Variants in ACSM1 observed in about 807,000 individuals in gnomAD.
ACSM1 encodes the protein acyl-CoA synthetase medium chain family member 1, also known as acyl-coenzyme A synthetase ACSM1, mitochondrial.
ACSM1 carries 79 observed loss-of-function variants against 75.8 expected under a neutral mutation model. The observed-to-expected ratio is 1.04, with a 90% CI of 0.87 to 1.26. ACSM1 has a LOEUF of 1.26. Among genes scored for constraint, ACSM1 ranks in the 50% most tolerant of loss-of-function variants. The probability of loss-of-function intolerance (pLI) is 0.00; values close to 1 mark genes in which losing one functional copy is unlikely to be tolerated. For synonymous variants in ACSM1, 279 were observed against 265.8 expected (o/e 1.05, Z -0.48); for missense variants, 676 against 720.1 (o/e 0.94, Z 0.70).
chr16:20,683,660 TTGA>T (rs2079491084), intron 3 of ACSM1, among the ~76,000 whole-genome samples: 1 of 151,374 alleles, frequency 6.6e-6, no homozygotes, highest in Non-Finnish European at 1.5e-5. Context: ...TTTTTTTTTT[TTGA>T]GAGTCTTGCC....
rs915908339 is a variant in ACSM1, at chr16:20,661,829, A to G, written c.957T>C (p.Ser319=). Residue 319 remains serine, a synonymous_variant, in exon 7 of 14, where the codon TCT becomes TCC. Coordinates refer to ENST00000520010, the MANE Select transcript of ACSM1 (RefSeq NM_001318890.3). Reference sequence around the variant, plus strand: ...CCTGCTGCAGAATCATTCGATATATAGATGATACCCCCCAAAAGTGGTTAA... The same window carrying G: ...CCTGCTGCAGAATCATTCGATATATGGATGATACCCCCCAAAAGTGGTTAA... ...YPINHFWGVS[S]IYRMILQQDF... is the part of the protein sequence containing the mutation. 6.2e-7 allele frequency: 1 copy of G among 1,611,290 alleles called. No individual in the cohort carries two copies.
In ACSM1 at chr16:20,640,496, G is replaced by A. The variant is rs745634207; in HGVS notation, c.1081C>T (p.Leu361Phe). ...TGCCCATAGTTCTCGTAGAGCAGAAGGCCCGTCCGTCTTTTCCACTCCTCC... is the reference window on the plus strand; with the variant it reads ...TGCCCATAGTTCTCGTAGAGCAGAAAGCCCGTCCGTCTTTTCCACTCCTCC... The part of the protein sequence containing the change: ...DQEEWKRRTG[L>F]LLYENYGQSE... The change falls in exon 8 of 14, where the codon CTT (leucine) becomes TTT (phenylalanine). Residue 361 changes from leucine to phenylalanine, a missense_variant. Physicochemically the swap from Leu to Phe is conservative, Grantham distance 22. Transcript: ENST00000520010. 11 of 1,614,112 alleles carry A rather than the reference G, an allele frequency of 6.8e-6. No homozygotes were observed. Among genetic ancestry groups the A allele is most frequent in the Admixed American group, 1.7e-5 (1 of 60,022 alleles).
At chr16:20,633,287 AT>A (rs1340833210) in intron 10 of ACSM1, among the ~76,000 whole-genome samples, 4 of 152,258 alleles carry the variant, frequency 2.6e-5, no homozygotes, top group African/African-American at 4.8e-5. Flanking sequence ...CTCAAAAAAA[AT>A]GTTAAAGCTA....
Position 20,635,701 on chromosome 16 carries a change from G to A in ACSM1, c.1299+1038C>T, listed in dbSNP as rs60886574. ...GTCACACAGGCTGGAGTGCAGTGGT[G>A]CGATCTTGGTTCACTGCAACCTCCG... On this transcript the variant is annotated intron_variant, in intron 10 of 13. Transcript: ENST00000520010. Among the ~76,000 whole-genome samples, 1,398 of 150,574 alleles carry A rather than the reference G, an allele frequency of 9.3e-3. 27 individuals are homozygous for A. Among genetic ancestry groups the A allele is most frequent in the African/African-American group, 0.032 (1,323 of 40,910 alleles).
rs781275965 is a variant in ACSM1, at chr16:20,623,466, C to A, written c.*20G>T. 5.0e-6 allele frequency: 8 copies of A among 1,609,186 alleles called. No homozygotes were observed. The highest frequency in any genetic ancestry group is 2.2e-5 in the South Asian group (2 of 90,942). ...AGGGATTTGCCTTAGGTGTGCAGTGCGTTCTGAGTTCACTGCCGATTACAT... is the reference window on the plus strand; with the variant it reads ...AGGGATTTGCCTTAGGTGTGCAGTGAGTTCTGAGTTCACTGCCGATTACAT... On this transcript the variant is annotated 3_prime_UTR_variant, in exon 14 of 14. Transcript: ENST00000520010.
At chr16:20,653,502 A>T (rs2018769250) in intron 7 of ACSM1, among the ~76,000 whole-genome samples, 1 of 152,044 alleles carries the variant, frequency 6.6e-6, no homozygotes, top group South Asian at 2.1e-4. Flanking sequence ...TATTTAAAAA[A>T]CCCCATCGTC....
chr16:20,652,788 G>A (rs1272601558), intron 7 of ACSM1, among the ~76,000 whole-genome samples: 6 of 152,156 alleles, frequency 3.9e-5, no homozygotes, highest in Admixed American at 6.5e-5. Context: ...AAAGGCCCAG[G>A]ACCAGATAGA....
chr16:20,682,488 G>A, intron 3 of ACSM1, 25 bp from the exon 4 acceptor site: 1 of 1,597,232 alleles, frequency 6.3e-7, no homozygotes, highest in Non-Finnish European at 8.6e-7. Context: ...GGAACTGATT[G>A]TTTTGGTTTC....
At chr16:20,691,463 C>T (rs1041832362) in intron 1 of ACSM1, among the ~76,000 whole-genome samples, 5 of 152,170 alleles carry the variant, frequency 3.3e-5, no homozygotes, top group African/African-American at 4.8e-5. Context: ...GTTTGGTGCG[C>T]GTTCCTAGGG....
intron 4 of ACSM1, 125 bp downstream of exon 4, chr16:20,682,131 A>G (rs2079458013): frequency 3.4e-6 from 3 of 891,028 alleles, no homozygotes; most frequent in South Asian, 1.7e-5. Context: ...TTGGATGTTA[A>G]TCTGACTGGG....
intron 4 of ACSM1, among the ~76,000 whole-genome samples, chr16:20,674,291 A>G (rs537233438): frequency 1.3e-5 from 2 of 152,282 alleles, no homozygotes; most frequent in African/African-American, 4.8e-5. Flanking sequence ...CTGTTTCTCT[A>G]GCTGTGCAGC....
chr16:20,647,968 C>T (rs2152231607), intron 7 of ACSM1, among the ~76,000 whole-genome samples: 1 of 152,338 alleles, frequency 6.6e-6, no homozygotes, highest in Non-Finnish European at 1.5e-5. Context: ...ATTCTCACCA[C>T]CTGTTCCTTT....
Position 20,627,303 on chromosome 16 carries a change from T to C in ACSM1, c.1313A>G (p.Lys438Arg), listed in dbSNP as rs2016997082. 1 of 1,575,766 alleles carries C rather than the reference T, an allele frequency of 6.3e-7. No individual in the cohort carries two copies. The highest frequency in any genetic ancestry group is 8.6e-7 in the Non-Finnish European group (1 of 1,164,366). The change falls in exon 11 of 14, where the codon AAG (lysine) becomes AGG (arginine). Residue 438 changes from lysine to arginine, a missense_variant. By Grantham distance (26) the Lys-to-Arg change is conservative. Transcript: ENST00000520010. Reference protein sequence around the residue: ...LFMCYEGDPEKTAKVECGDFY... With the variant: ...LFMCYEGDPERTAKVECGDFY... ...GTCCCCACATTCCACTTTAGCTGTCTTCTCTGGGTCACCCTGCAAAAAGAA... is the reference window on the plus strand; with the variant it reads ...GTCCCCACATTCCACTTTAGCTGTCCTCTCTGGGTCACCCTGCAAAAAGAA...
At chr16:20,684,771 C>G (rs1370216441) in intron 3 of ACSM1, among the ~76,000 whole-genome samples, 1 of 151,998 alleles carries the variant, frequency 6.6e-6, no homozygotes, top group Non-Finnish European at 1.5e-5. Context: ...GGAGAGAGTG[C>G]TCAAATATGG....
In ACSM1 at chr16:20,624,153, G is replaced by C; in HGVS notation, c.1590C>G (p.Thr530=). ...ACTTGACATGCTGCTGCAGTTCCTT[G>C]GTCAGCTGATCCTTGTCATGGGACA... ...QFLSHDKDQL[T]KELQQHVKSV... Residue 530 remains threonine, a synonymous_variant, in exon 13 of 14, where the codon ACC becomes ACG. Coordinates refer to ENST00000520010, the MANE Select transcript of ACSM1 (RefSeq NM_001318890.3). The C allele has an allele frequency of 1.2e-6, 2 of 1,613,452 alleles. No homozygotes were observed. Among genetic ancestry groups the C allele is most frequent in the Middle Eastern group, 1.7e-4 (1 of 6,058 alleles).
intron 1 of ACSM1, among the ~76,000 whole-genome samples, chr16:20,692,696 A>G (rs2079665515): frequency 6.6e-6 from 1 of 152,206 alleles, no homozygotes; most frequent in Non-Finnish European, 1.5e-5. Flanking sequence ...GGCAATTTCA[A>G]GGTATGGCAA....
intron 6 of ACSM1, among the ~76,000 whole-genome samples, chr16:20,664,923 A>C (rs1275116353): frequency 6.6e-6 from 1 of 152,144 alleles, no homozygotes; most frequent in Non-Finnish European, 1.5e-5. Context: ...ACAAGAAGTC[A>C]AAAAAGTTTC....
At chr16:20,642,455 G>C (rs2018118713) in intron 7 of ACSM1, among the ~76,000 whole-genome samples, 1 of 152,224 alleles carries the variant, frequency 6.6e-6, no homozygotes, top group African/African-American at 2.4e-5. Context: ...AAAACCTGGA[G>C]CAATTGGTGG....
chr16:20,657,606 A>G (rs80036949), intron 7 of ACSM1, among the ~76,000 whole-genome samples: 20,333 of 142,042 alleles, frequency 0.14, 1,742 homozygotes, highest in East Asian at 0.51. Context: ...ACTGTGCCCA[A>G]TGTTTTTTTT....
Sources: gnomAD v4.1 joint callset for allele counts (sites outside exome capture counted in the v4.1 genomes callset) on GRCh38, gnomAD v4.1.1 for gene constraint, MANE v1.5 for transcripts, NCBI Gene and HGNC (gene_info 2026-07-23, HGNC 2026-07-21) for gene names.